The following RBP7 variants were observed in gnomAD, a reference collection of about 807,000 sequenced individuals.
The protein encoded by RBP7 is retinoid-binding protein 7.
RBP7 carries 13 observed loss-of-function variants against 16.7 expected under a neutral mutation model. The ratio of observed to expected loss-of-function variants is 0.78; its 90% CI spans 0.51 to 1.24. The LOEUF (loss-of-function observed/expected upper bound fraction) is 1.24, where lower values mean the gene tolerates loss of function less well. RBP7 is among the 50% of genes most tolerant of loss of function. The pLI, the probability that RBP7 is intolerant of heterozygous loss-of-function variation, is 0.00. For missense variants in RBP7, 145 were observed against 159.5 expected (o/e 0.91, Z 0.49); for synonymous variants, 54 against 56.2 (o/e 0.96, Z 0.17).
chr1:10,014,474 C>A (rs1299237388), intron 3 of RBP7, among the ~76,000 whole-genome samples: 2 of 151,684 alleles, frequency 1.3e-5, no homozygotes, highest in Admixed American at 1.3e-4. Context: ...CAACCTCCGC[C>A]TCTTGGGTTC....
chr1:10,004,530 C>A (rs1163211395), intron 1 of RBP7, among the ~76,000 whole-genome samples: 6 of 151,832 alleles, frequency 4.0e-5, no homozygotes, highest in Non-Finnish European at 8.8e-5. Flanking sequence ...CATGCGCCAC[C>A]ATGCCCGGCT....
At chr1:10,013,667 G>C (rs989345133) in intron 3 of RBP7, among the ~76,000 whole-genome samples, 1 of 151,966 alleles carries the variant, frequency 6.6e-6, no homozygotes, top group Admixed American at 6.6e-5. Context: ...AAAATTAGCC[G>C]GGTGTGGTGG....
At chr1:10,014,634 G>A (rs184554337) in intron 3 of RBP7, among the ~76,000 whole-genome samples, 5 of 152,138 alleles carry the variant, frequency 3.3e-5, no homozygotes, top group East Asian at 1.9e-4. Flanking sequence ...CGATCTGCCC[G>A]CCTCGGCCAC....
chr1:10,003,020 G>C (rs1642323337), intron 1 of RBP7, among the ~76,000 whole-genome samples: 1 of 152,084 alleles, frequency 6.6e-6, no homozygotes, highest in South Asian at 2.1e-4. Context: ...ACATAAAACA[G>C]TGTGCCATAT....
At chr1:10,002,947 A>G (rs191536145) in intron 1 of RBP7, among the ~76,000 whole-genome samples, 31 of 152,222 alleles carry the variant, frequency 2.0e-4, no homozygotes, top group African/African-American at 7.2e-4. Context: ...GGGGCTTGGG[A>G]CAGCGGACCA....
intron 1 of RBP7, among the ~76,000 whole-genome samples, chr1:10,000,904 T>G (rs1642260987): frequency 6.6e-6 from 1 of 151,954 alleles, no homozygotes; most frequent in Non-Finnish European, 1.5e-5. Context: ...CCTGGCTAAT[T>G]TTTGTATTTT....
chr1:10,006,935 CT>C, intron 1 of RBP7: 1 of 438,584 alleles, frequency 2.3e-6, no homozygotes, highest in Non-Finnish European at 4.5e-6. Context: ...AGCCCTGTCC[CT>C]TTGGTTTTCT....
intron 1 of RBP7, among the ~76,000 whole-genome samples, chr1:9,998,088 A>G (rs1642205561): frequency 6.6e-6 from 1 of 152,168 alleles, no homozygotes; most frequent in African/African-American, 2.4e-5. Flanking sequence ...TCCTCGGTTC[A>G]AGCGATTCTC....
rs752820865 is a variant in RBP7, at chr1:10,008,253, C to G, written c.333C>G (p.Ile111Met). 1.9e-6 allele frequency: 3 copies of G among 1,609,630 alleles called. No individual in the cohort carries two copies. The highest frequency in any genetic ancestry group is 1.1e-5 in the South Asian group (1 of 90,988). The change falls in exon 3 of 4, where the codon ATC (isoleucine) becomes ATG (methionine). Residue 111 changes from isoleucine (I) to methionine (M), a missense_variant. Transcript: ENST00000294435. The stretch of plus-strand genomic sequence containing the variant: ...AGAACAGAGGCTGGACCCATTGGAT[C>G]GAAGGAGACAAACTCCACCTGGTAT... Reference protein sequence around the residue: ...EKKNRGWTHWIEGDKLHLEMF... With the variant: ...EKKNRGWTHWMEGDKLHLEMF...
chr1:10,014,676 C>T (rs777872359), intron 3 of RBP7, among the ~76,000 whole-genome samples: 3 of 152,072 alleles, frequency 2.0e-5, no homozygotes, highest in Non-Finnish European at 4.4e-5. Context: ...CATGTGCGCC[C>T]GGCCCCATCA....
At chr1:10,002,806 G>A (rs1189834223) in intron 1 of RBP7, among the ~76,000 whole-genome samples, 1 of 152,064 alleles carries the variant, frequency 6.6e-6, no homozygotes, top group Non-Finnish European at 1.5e-5. Flanking sequence ...ACCTGGCCCA[G>A]AACTTATGCT....
chr1:10,005,298 G>A (rs902040204), intron 1 of RBP7, among the ~76,000 whole-genome samples: 48 of 152,032 alleles, frequency 3.2e-4, no homozygotes, highest in African/African-American at 1.0e-3. Flanking sequence ...TGCAACCTCC[G>A]CCTCCTGGGT....
intron 1 of RBP7, among the ~76,000 whole-genome samples, chr1:10,001,857 C>A (rs1642287371): frequency 6.9e-6 from 1 of 144,358 alleles, no homozygotes; most frequent in South Asian, 2.2e-4. Flanking sequence ...GAGACAGAGT[C>A]TCCCTTTGTT....
rs111924672 is a variant in RBP7 at position 10,001,977 on chromosome 1, C to T, written c.73+4646C>T. On this transcript the variant is annotated intron_variant, in intron 1 of 3. Coordinates refer to ENST00000294435, the MANE Select transcript of RBP7 (RefSeq NM_052960.3). ...CCAAGTAGCTGGGATTACAGGCACA[C>T]GCCCCCACACCCCGTTAATTTTATA... is the stretch of plus-strand genomic sequence containing the variant. Among the ~76,000 whole-genome samples the T allele has an allele frequency of 7.2e-3, 1,089 of 152,130 alleles. 10 individuals are homozygous for T. The highest frequency in any genetic ancestry group is 0.025 in the African/African-American group (1,048 of 41,530).
chr1:10,006,182 G>A (rs778995273), intron 1 of RBP7, among the ~76,000 whole-genome samples: 1 of 152,070 alleles, frequency 6.6e-6, no homozygotes, highest in Admixed American at 6.6e-5. Flanking sequence ...AGCATTCCAT[G>A]TTTCCCTGTG....
At chr1:9,999,496 T>C (rs763279951) in intron 1 of RBP7, among the ~76,000 whole-genome samples, 3 of 152,076 alleles carry the variant, frequency 2.0e-5, no homozygotes. Context: ...GAGGTTGCAG[T>C]GAGCTGAGAT....
intron 1 of RBP7, among the ~76,000 whole-genome samples, chr1:10,006,305 G>C (rs927428907): frequency 6.6e-6 from 1 of 151,992 alleles, no homozygotes; most frequent in Non-Finnish European, 1.5e-5. Context: ...CCAAGAGTTC[G>C]AGACCAACCT....
At chr1:10,009,356 G>A (rs1642539790) in intron 3 of RBP7, among the ~76,000 whole-genome samples, 1 of 151,982 alleles carries the variant, frequency 6.6e-6, no homozygotes, top group Admixed American at 6.6e-5. Context: ...GTTGCAGTGA[G>A]CCAAGATCGC....
intron 1 of RBP7, among the ~76,000 whole-genome samples, chr1:9,998,774 A>G (rs1642217696): frequency 6.6e-6 from 1 of 152,110 alleles, no homozygotes; most frequent in African/African-American, 2.4e-5. Flanking sequence ...GCTCTTTCAT[A>G]TCCCAAGAGA....
Sources: gnomAD v4.1 joint callset for allele counts (sites outside exome capture counted in the v4.1 genomes callset) on GRCh38, gnomAD v4.1.1 for gene constraint, MANE v1.5 for transcripts, NCBI Gene and HGNC (gene_info 2026-07-23, HGNC 2026-07-21) for gene names.